Variants in OSMR observed in about 807,000 individuals in gnomAD.
OSMR encodes oncostatin M receptor.
In OSMR, 81 loss-of-function variants were observed where a neutral mutation model predicts 99.9. The observed-to-expected ratio is 0.81, with a 90% CI of 0.68 to 0.97. OSMR has a LOEUF of 0.97. OSMR is among the 50% of genes least tolerant of loss of function. OSMR has a pLI of 0.00. For missense variants in OSMR, 1,099 were observed against 1,153.4 expected, an observed-to-expected ratio of 0.95 and a Z score of 0.68; for synonymous variants, 406 against 410.4, an observed-to-expected ratio of 0.99 and a Z score of 0.13.
intron 1 of OSMR, among the ~76,000 whole-genome samples, chr5:38,867,120 A>C (rs1050335409): frequency 6.6e-6 from 1 of 152,124 alleles, no homozygotes; most frequent in African/African-American, 2.4e-5. Flanking sequence ...TCCCTCCCTC[A>C]GTGTATTCTA....
chr5:38,942,170 C>A, intron 1 of OSMR: 1 of 475,634 alleles, frequency 2.1e-6, no homozygotes, highest in East Asian at 3.3e-5. Flanking sequence ...TGTTCATGTA[C>A]CAGTAACTGC....
chr5:38,944,938 G>C lies in OSMR; in HGVS notation c.*87-8G>C. On this transcript the variant is annotated splice_region_variant and splice_polypyrimidine_tract_variant and intron_variant and NMD_transcript_variant, in intron 2 of 2. Coordinates refer to the OSMR transcript ENST00000508882. The stretch of plus-strand genomic sequence containing the variant: ...CTAGTAACAATTCTGTGCTTTTGGT[G>C]CTGCTAGCTGAGCCTTCTTGAGACA... 1.2e-6 allele frequency: 2 copies of C among 1,613,928 alleles called. No homozygotes were observed.
intron 7 of OSMR, among the ~76,000 whole-genome samples, chr5:38,900,190 A>G (rs1036912922): frequency 2.6e-5 from 4 of 152,100 alleles, no homozygotes; most frequent in Non-Finnish European, 5.9e-5. Flanking sequence ...TTGCTTTCCC[A>G]GTGACTGGGC....
Position 38,935,538 on chromosome 5 carries a change from T to C in OSMR, c.*2094T>C, listed in dbSNP as rs1160093547. The C allele has an allele frequency of 6.6e-6, 1 of 152,218 alleles. No individual in the cohort carries two copies. The highest frequency in any genetic ancestry group is 2.4e-5 in the African/African-American group (1 of 41,452). 9.4% of individuals were successfully genotyped at this position (152,218 alleles called of 1,614,324 possible). ...AATGTCAATGACATTGATGACTGAT[T>C]TGTACATATTTTTCATATAGTTTTG... On this transcript the variant is annotated 3_prime_UTR_variant, in exon 18 of 18. Coordinates refer to ENST00000274276, the MANE Select transcript of OSMR (RefSeq NM_003999.3).
chr5:38,883,944 G>T lies in OSMR; in HGVS notation c.536G>T (p.Cys179Phe), dbSNP rs1196300753. 1.2e-6 allele frequency: 2 copies of T among 1,613,650 alleles called. No homozygotes were observed. Among genetic ancestry groups the T allele is most frequent in the African/African-American group, 2.7e-5 (2 of 74,910 alleles). ...AGGAACATTCAAAATAATGTATCCT[G>T]TTATTTGGAAGGGAAACAGATTCAT... ...VSRNIQNNVS[C>F]YLEGKQIHGE... is the part of the protein sequence containing the mutation. The change falls in exon 5 of 18, where the codon TGT (cysteine) becomes TTT (phenylalanine). Residue 179 changes from cysteine to phenylalanine, a missense_variant. Coordinates refer to ENST00000274276, the MANE Select transcript of OSMR (RefSeq NM_003999.3).
chr5:38,903,904 T>G lies in OSMR; in HGVS notation c.1014T>G (p.Ser338Arg), dbSNP rs1290662584. ...THRVYLMNPFSVNFENVNATN... is the reference protein window; with the variant it reads ...THRVYLMNPFRVNFENVNATN... ...CAGTTTATTTAATGAATCCTTTTAG[T>G]GTCAACTTTGAAAATGTAAATGCCA... Residue 338 changes from serine to arginine, a missense_variant, in exon 8 of 18, where the codon AGT (serine) becomes AGG (arginine). Coordinates refer to ENST00000274276, the MANE Select transcript of OSMR (RefSeq NM_003999.3). The G allele has an allele frequency of 6.2e-7, 1 of 1,613,158 alleles. No individual in the cohort carries two copies. The highest frequency in any genetic ancestry group is 1.3e-5 in the African/African-American group (1 of 74,900).
intron 7 of OSMR, among the ~76,000 whole-genome samples, chr5:38,895,069 A>AT (rs1289767146): frequency 2.0e-5 from 3 of 152,134 alleles, no homozygotes; most frequent in Non-Finnish European, 2.9e-5. Flanking sequence ...GAGACATAAC[A>AT]TACCAAAATC....
intron 3 of OSMR, among the ~76,000 whole-genome samples, chr5:38,880,944 T>A (rs906561670): frequency 1.3e-5 from 2 of 152,166 alleles, no homozygotes; most frequent in Non-Finnish European, 2.9e-5. Flanking sequence ...TGTAAGACAT[T>A]TTGTGTCACT....
At chr5:38,910,940 G>A (rs932712711) in intron 9 of OSMR, among the ~76,000 whole-genome samples, 1 of 152,188 alleles carries the variant, frequency 6.6e-6, no homozygotes, top group Admixed American at 6.5e-5. Flanking sequence ...AACCTGGGAG[G>A]TGGAGGTTGC....
chr5:38,931,792 T>G, intron 15 of OSMR, 91 bp from the exon 16 acceptor site: 1 of 1,565,428 alleles, frequency 6.4e-7, no homozygotes, highest in African/African-American at 1.4e-5. Context: ...AATAAACATG[T>G]AAAATTACTT....
At chr5:38,937,079 G>A (rs1187447351), downstream of OSMR, among the ~76,000 whole-genome samples, 5 of 152,330 alleles carry the variant, frequency 3.3e-5, no homozygotes, top group East Asian at 9.6e-4. The surrounding 1 kb of genome is among the most constrained non-coding windows in gnomAD (Gnocchi z 4.0). Context: ...CTGTCGCCCA[G>A]GCTGGAGTGC....
chr5:38,921,331 C>T (rs751784826), intron 11 of OSMR: 12 of 174,006 alleles, frequency 6.9e-5, no homozygotes, highest in Admixed American at 1.3e-4. Flanking sequence ...AATCATCCTC[C>T]TGGTGGTAGT....
At chr5:38,922,079 A>G (rs1413309451) in intron 12 of OSMR, among the ~76,000 whole-genome samples, 2 of 152,230 alleles carry the variant, frequency 1.3e-5, no homozygotes, top group East Asian at 1.9e-4. Context: ...GGACATTATT[A>G]TAACAGTTGT....
chr5:38,872,787 C>T (rs1742488005), intron 2 of OSMR, among the ~76,000 whole-genome samples: 2 of 151,952 alleles, frequency 1.3e-5, no homozygotes, highest in South Asian at 4.2e-4. Context: ...AAAAAATGTC[C>T]TTTAAAAATC....
chr5:38,856,212 GT>G (rs1304015559), intron 1 of OSMR, among the ~76,000 whole-genome samples: 1 of 152,166 alleles, frequency 6.6e-6, no homozygotes, highest in Non-Finnish European at 1.5e-5. Context: ...TGGTGTCTGT[GT>G]TTTTTCATAC....
intron 1 of OSMR, among the ~76,000 whole-genome samples, chr5:38,860,004 A>G (rs1300331793): frequency 6.6e-6 from 1 of 152,184 alleles, no homozygotes; most frequent in Non-Finnish European, 1.5e-5. Flanking sequence ...TATATATACA[A>G]GATCATGACA....
At chr5:38,929,993 C>T (rs1746649227) in intron 15 of OSMR, among the ~76,000 whole-genome samples, 1 of 152,154 alleles carries the variant, frequency 6.6e-6, no homozygotes, top group African/African-American at 2.4e-5. Context: ...TCTCTTGTGA[C>T]ATGTGGATAA....
intron 7 of OSMR, among the ~76,000 whole-genome samples, chr5:38,897,468 A>G (rs1744595258): frequency 6.6e-6 from 1 of 151,932 alleles, no homozygotes; most frequent in South Asian, 2.1e-4. Context: ...TGATCCTTTG[A>G]ATTTCTGCAG....
At chr5:38,851,823 G>A (rs357289) in intron 1 of OSMR, among the ~76,000 whole-genome samples, 28,787 of 151,986 alleles carry the variant, frequency 0.19, 2,841 homozygotes, top group African/African-American at 0.22. Flanking sequence ...GAATCATGGG[G>A]GCAGTTTCCC....
Sources: gnomAD v4.1 joint callset for allele counts (sites outside exome capture counted in the v4.1 genomes callset) on GRCh38, gnomAD v4.1.1 for gene constraint, Gnocchi (gnomAD v3.1) non-coding constraint, MANE v1.5 for transcripts, NCBI Gene and HGNC (gene_info 2026-07-23, HGNC 2026-07-21) for gene names.